SMAD4: variants seen among roughly 807,000 people sequenced by gnomAD.
The protein encoded by SMAD4 is MAD homolog 4.
SMAD4 carries 7 observed loss-of-function variants against 63.2 expected under a neutral mutation model. The observed-to-expected ratio is 0.11, with a 90% CI of 0.06 to 0.21. SMAD4 has a LOEUF of 0.21. SMAD4 is among the 10% of genes least tolerant of loss of function. The probability of loss-of-function intolerance (pLI) is 1.00; values close to 1 mark genes in which losing one functional copy is unlikely to be tolerated. For missense variants in SMAD4, 312 were observed against 693.8 expected, an observed-to-expected ratio of 0.45 and a Z score of 6.18; for synonymous variants, 215 against 235.4, an observed-to-expected ratio of 0.91 and a Z score of 0.79.
chr18:51,037,701 G>A (rs1909245460), intron 1 of SMAD4, among the ~76,000 whole-genome samples: 1 of 152,166 alleles, frequency 6.6e-6, no homozygotes, highest in South Asian at 2.1e-4. Context: ...GTGTTATTGA[G>A]CTGCAAGCTG....
At chr18:51,048,651 G>A (rs2144404879) in intron 2 of SMAD4, 35 bp from the exon 3 acceptor site, 2 of 1,588,446 alleles carry the variant, frequency 1.3e-6, no homozygotes, top group Non-Finnish European at 1.7e-6. Flanking sequence ...CTTGCATAAT[G>A]TGACACATGA....
At position 51,031,616 on chromosome 18, in the gene SMAD4, T is replaced by G. The variant is rs546996158; in HGVS notation, c.-128+993T>G. Among the ~76,000 whole-genome samples, 8 of 152,330 alleles carry G rather than the reference T, an allele frequency of 5.3e-5. No individual in the cohort carries two copies. In the South Asian group the frequency reaches 1.7e-3, roughly 32 times the overall value. On this transcript the variant is annotated intron_variant, in intron 1 of 11. Transcript: ENST00000342988. ...GCAAACATATAATCTTAGCTAATTT[T>G]TGTTAGTAACCTTTGACTTTTGCCA...
chr18:51,053,226 A>G (rs1909753691), intron 4 of SMAD4: 1 of 152,170 alleles, frequency 6.6e-6, no homozygotes, highest in Non-Finnish European at 1.5e-5. Flanking sequence ...TAGCAAAACC[A>G]GTAAGTTGGT....
chr18:51,072,266 CTT>C (rs1403055316), intron 10 of SMAD4, among the ~76,000 whole-genome samples: 7 of 152,098 alleles, frequency 4.6e-5, no homozygotes, highest in Non-Finnish European at 1.0e-4. Context: ...TGTTATCTGT[CTT>C]TTTTATTTTA....
intron 10 of SMAD4, among the ~76,000 whole-genome samples, chr18:51,072,513 T>C (rs1264660162): frequency 6.6e-6 from 1 of 152,208 alleles, no homozygotes; most frequent in Non-Finnish European, 1.5e-5. Context: ...AGAATGTCCT[T>C]AGCACAATCT....
In SMAD4 at chr18:51,055,597, A is replaced by G. The variant is rs1470099292; in HGVS notation, c.667+604A>G. On this transcript the variant is annotated intron_variant, in intron 5 of 11. Transcript: ENST00000342988. ...TGTCATAGGAGGGAGAGGGGCTGCT[A>G]GGTTCAGGTTTTTGGGGGCATGATC... Among the ~76,000 whole-genome samples, 4 of 151,726 alleles carry G rather than the reference A, an allele frequency of 2.6e-5. No individual in the cohort carries two copies. In the East Asian group the frequency reaches 7.7e-4, roughly 29 times the overall value.
intron 8 of SMAD4, among the ~76,000 whole-genome samples, chr18:51,064,032 A>G (rs1019381291): frequency 2.6e-5 from 4 of 151,398 alleles, no homozygotes; most frequent in African/African-American, 4.8e-5. Flanking sequence ...TTAAGCATCA[A>G]TCATACTTCA....
At chr18:51,040,772 A>T (rs781735547) in intron 1 of SMAD4, among the ~76,000 whole-genome samples, 2 of 152,262 alleles carry the variant, frequency 1.3e-5, no homozygotes, top group African/African-American at 2.4e-5. Flanking sequence ...CAACAGGCAG[A>T]TAACAAGAAT....
chr18:51,046,093 G>T (rs776080945), intron 1 of SMAD4, among the ~76,000 whole-genome samples: 1 of 152,146 alleles, frequency 6.6e-6, no homozygotes, highest in Non-Finnish European at 1.5e-5. Flanking sequence ...ACAGGTTTGT[G>T]TGGACATGGG....
intron 11 of SMAD4, 36 bp from the exon 12 acceptor site, chr18:51,078,220 C>A: frequency 6.6e-7 from 1 of 1,516,530 alleles, no homozygotes. Flanking sequence ...AGAGATCACC[C>A]TGTCCCTCTG....
At chr18:51,032,165 A>G (rs1015339232) in intron 1 of SMAD4, among the ~76,000 whole-genome samples, 1 of 152,210 alleles carries the variant, frequency 6.6e-6, no homozygotes, top group South Asian at 2.1e-4. Context: ...TAAAACTAAA[A>G]GCTTCTTTTG....
At chr18:51,055,830 A>G (rs569386729) in intron 5 of SMAD4, among the ~76,000 whole-genome samples, 1 of 152,232 alleles carries the variant, frequency 6.6e-6, no homozygotes, top group Non-Finnish European at 1.5e-5. Flanking sequence ...GCTCTGGGCT[A>G]ATACTGTGTT....
At chr18:51,034,519 G>GCCTCCCAA (rs1182610196) in intron 1 of SMAD4, among the ~76,000 whole-genome samples, 2 of 152,140 alleles carry the variant, frequency 1.3e-5, no homozygotes, top group East Asian at 3.9e-4. Context: ...CCAAGGTGCT[G>GCCTCCCAA]GGATTATAGG....
rs537993760 is a variant in SMAD4 at position 51,077,503 on chromosome 18, AT to A, written c.1447+729del. 24 of 329,028 alleles carry A rather than the reference AT, an allele frequency of 7.3e-5. No homozygotes were observed. In the South Asian group the frequency reaches 2.9e-3, roughly 39 times the overall value. 20.4% of individuals were successfully genotyped at this position (329,028 alleles called of 1,614,324 possible). A position where few individuals can be genotyped will look rare whatever the true frequency, so the allele number is the denominator to read the frequency against. On this transcript the variant is annotated intron_variant, in intron 11 of 11. Coordinates refer to ENST00000342988, the MANE Select transcript of SMAD4 (RefSeq NM_005359.6). ...CATGCAAATTCCTCCCATTAGTTTCATTGTAATATTGATGAATGCAGATGGA... is the reference window on the plus strand; with the variant it reads ...CATGCAAATTCCTCCCATTAGTTTCATGTAATATTGATGAATGCAGATGGA...
chr18:51,058,662 A>G (rs542067447), intron 7 of SMAD4, among the ~76,000 whole-genome samples: 2 of 152,320 alleles, frequency 1.3e-5, no homozygotes, highest in East Asian at 3.9e-4. Context: ...TTTGCTAAAT[A>G]CATTTATTTC....
Position 51,084,117 on chromosome 18 carries a change from C to T in SMAD4, c.*5650C>T, listed in dbSNP as rs1015657288. On this transcript the variant is annotated 3_prime_UTR_variant, in exon 12 of 12. Transcript: ENST00000342988. ...GCGTGCACACACACACGCACGCACA[C>T]ACTCTGGTCAGAGTTTATTAAGGCT... is the stretch of plus-strand genomic sequence containing the variant. 1 of 232,122 alleles carries T rather than the reference C, an allele frequency of 4.3e-6. No homozygotes were observed. Among genetic ancestry groups the T allele is most frequent in the African/African-American group, 2.2e-5 (1 of 45,190 alleles). The allele number at this position is 232,122 out of a possible 1,614,324, so 14.4% of individuals were successfully genotyped here.
rs1909013881 is a variant in SMAD4 at position 51,030,640 on chromosome 18, C to A, written c.-128+17C>A. On this transcript the variant is annotated intron_variant, in intron 1 of 11. Coordinates refer to ENST00000342988, the MANE Select transcript of SMAD4 (RefSeq NM_005359.6). ...CGAGCCCAGGTAACCGCGCCATGTC[C>A]CCTCCCCTTCCCCCGGCCGGGCCCG... is the stretch of plus-strand genomic sequence containing the variant. The A allele has an allele frequency of 6.7e-6, 1 of 149,634 alleles. No homozygotes were observed. The allele number at this position is 149,634 out of a possible 1,614,324, so 9.3% of individuals were successfully genotyped here. A position where few individuals can be genotyped will look rare whatever the true frequency, so the allele number is the denominator to read the frequency against.
chr18:51,058,012 T>A (rs1271784896), intron 5 of SMAD4, 113 bp from the exon 6 acceptor site: 1 of 1,255,872 alleles, frequency 8.0e-7, no homozygotes, highest in African/African-American at 1.5e-5. Flanking sequence ...TTACACTTTT[T>A]GCCCATCTTT....
At chr18:51,049,693 A>T (rs1179554249) in intron 4 of SMAD4, 1 of 226,424 alleles carries the variant, frequency 4.4e-6, no homozygotes, top group Non-Finnish European at 8.8e-6. Context: ...GGTAATTTGG[A>T]ATCACATATA....
Sources: gnomAD v4.1 joint callset for allele counts (sites outside exome capture counted in the v4.1 genomes callset) on GRCh38, gnomAD v4.1.1 for gene constraint, MANE v1.5 for transcripts, NCBI Gene and HGNC (gene_info 2026-07-23, HGNC 2026-07-21) for gene names.